The following AMOTL1 variants were observed in gnomAD, a reference collection of about 807,000 sequenced individuals.
AMOTL1 encodes angiomotin like 1.
A neutral mutation model predicts 102.9 loss-of-function variants in AMOTL1; 45 were observed. That is an observed-to-expected ratio of 0.44 (90% CI 0.34 to 0.56). The LOEUF (loss-of-function observed/expected upper bound fraction) is 0.56, where lower values mean the gene tolerates loss of function less well. Among genes scored for constraint, AMOTL1 ranks in the 20% least tolerant of loss-of-function variants. AMOTL1 has a pLI of 0.01. For synonymous variants in AMOTL1, 481 were observed against 484.7 expected (o/e 0.99, Z 0.10); for missense variants, 1,114 against 1,225.6 (o/e 0.91, Z 1.36).
chr11:94,849,713 GAATATT>G (rs2135708219), intron 6 of AMOTL1, among the ~76,000 whole-genome samples: 1 of 152,118 alleles, frequency 6.6e-6, no homozygotes, highest in African/African-American at 2.4e-5. Context: ...CTATGAATGA[GAATATT>G]AATATTATTA....
intron 3 of AMOTL1, among the ~76,000 whole-genome samples, chr11:94,755,315 G>A (rs1950708588): frequency 1.3e-5 from 2 of 152,174 alleles, no homozygotes; most frequent in Admixed American, 1.3e-4. Flanking sequence ...TTTAGCAGAA[G>A]CTCATGTCTG....
intron 4 of AMOTL1, among the ~76,000 whole-genome samples, chr11:94,826,770 G>A (rs1951972986): frequency 1.3e-5 from 2 of 152,168 alleles, no homozygotes; most frequent in Admixed American, 1.3e-4. Flanking sequence ...TTCAACATGA[G>A]TTTTGGTGGG....
chr11:94,754,799 A>G (rs1210075221), intron 3 of AMOTL1, among the ~76,000 whole-genome samples: 2 of 151,632 alleles, frequency 1.3e-5, no homozygotes, highest in Non-Finnish European at 2.9e-5. Context: ...TTTGAATTTC[A>G]GATAAACAGT....
intron 6 of AMOTL1, 98 bp from the exon 7 acceptor site, chr11:94,850,016 C>A: frequency 1.5e-6 from 2 of 1,361,006 alleles, no homozygotes; most frequent in Non-Finnish European, 2.0e-6. Flanking sequence ...TATTTGCATG[C>A]TTTTTTATTT....
chr11:94,782,447 G>C (rs1027013599), intron 1 of AMOTL1, among the ~76,000 whole-genome samples: 16 of 152,218 alleles, frequency 1.1e-4, no homozygotes, highest in African/African-American at 3.9e-4. Flanking sequence ...TACTTGAAAT[G>C]TTTCAATGTA....
chr11:94,757,069 C>T (rs1363847206), intron 3 of AMOTL1, among the ~76,000 whole-genome samples: 1 of 151,238 alleles, frequency 6.6e-6, no homozygotes, highest in Non-Finnish European at 1.5e-5. Flanking sequence ...GGATGGGGAG[C>T]TCAAATCAAG....
intron 1 of AMOTL1, among the ~76,000 whole-genome samples, chr11:94,784,309 G>T (rs1951152055): frequency 6.6e-6 from 1 of 152,108 alleles, no homozygotes; most frequent in Admixed American, 6.5e-5. Flanking sequence ...GATTTATCAA[G>T]CATTTATGTA....
intron 1 of AMOTL1, among the ~76,000 whole-genome samples, chr11:94,719,993 T>C (rs1330236384): frequency 6.6e-6 from 1 of 152,060 alleles, no homozygotes; most frequent in Non-Finnish European, 1.5e-5. Flanking sequence ...CCCAGACAGT[T>C]TGAATGTGCA....
At chr11:94,812,051 T>C (rs1487732531) in intron 3 of AMOTL1, among the ~76,000 whole-genome samples, 1 of 152,182 alleles carries the variant, frequency 6.6e-6, no homozygotes, top group Non-Finnish European at 1.5e-5. Flanking sequence ...TCGATCACAT[T>C]TGGGGAAATC....
chr11:94,840,305 G>A (rs1450512614), intron 6 of AMOTL1, among the ~76,000 whole-genome samples: 1 of 152,100 alleles, frequency 6.6e-6, no homozygotes, highest in Non-Finnish European at 1.5e-5. Context: ...AACTTTTGAG[G>A]GGACAAAGTG....
chr11:94,775,122 A>G (rs1951007119), intron 1 of AMOTL1, among the ~76,000 whole-genome samples: 1 of 152,258 alleles, frequency 6.6e-6, no homozygotes, highest in Non-Finnish European at 1.5e-5. Flanking sequence ...AAAGAGCTTC[A>G]TAAGAAGTGA....
chr11:94,741,371 T>C (rs1950524774), intron 3 of AMOTL1, among the ~76,000 whole-genome samples: 1 of 152,176 alleles, frequency 6.6e-6, no homozygotes, highest in African/African-American at 2.4e-5. Context: ...CAGCGGCGAC[T>C]GGTTCTGACT....
chr11:94,840,114 G>GAA (rs1210679422), intron 6 of AMOTL1, among the ~76,000 whole-genome samples: 3 of 152,138 alleles, frequency 2.0e-5, no homozygotes, highest in Non-Finnish European at 4.4e-5. Flanking sequence ...AAGAAAGAAA[G>GAA]AGAAAGCTTT....
At chr11:94,827,697 C>T (rs182925808) in intron 4 of AMOTL1, among the ~76,000 whole-genome samples, 37 of 152,208 alleles carry the variant, frequency 2.4e-4, no homozygotes, top group Admixed American at 1.4e-3. Flanking sequence ...AAGGTGGTAC[C>T]GAAGGGAACC....
rs1950981265 is a variant in AMOTL1, at chr11:94,773,387, CT to C, written c.49+4829del. ...TAAGTTATAGTTCACTTTTGTCTGT[CT>C]TAAGAGTTTGTATGTCTTGCTGCTG... On this transcript the variant is annotated intron_variant, in intron 1 of 12. Transcript: ENST00000433060. 2.6e-5 allele frequency among the ~76,000 whole-genome samples: 4 copies of C among 152,240 alleles called. No homozygotes were observed. In the South Asian group the frequency reaches 8.3e-4, roughly 32 times the overall value.
At chr11:94,870,413 A>G (rs924209568) in intron 12 of AMOTL1, among the ~76,000 whole-genome samples, 1 of 152,194 alleles carries the variant, frequency 6.6e-6, no homozygotes, top group African/African-American at 2.4e-5. Context: ...TGCACCTGAT[A>G]GTTTTGAGTA....
chr11:94,846,143 C>T (rs1412146288), intron 6 of AMOTL1, among the ~76,000 whole-genome samples: 1 of 152,194 alleles, frequency 6.6e-6, no homozygotes, highest in Non-Finnish European at 1.5e-5. Context: ...ACCTTGTAGG[C>T]TCACTGCCTT....
chr11:94,802,239 C>T (rs1951492301), intron 3 of AMOTL1, among the ~76,000 whole-genome samples: 1 of 152,206 alleles, frequency 6.6e-6, no homozygotes, highest in Non-Finnish European at 1.5e-5. Flanking sequence ...TTGATCAAAT[C>T]CCTGGTATTT....
chr11:94,743,559 G>T (rs1950553588), intron 3 of AMOTL1, among the ~76,000 whole-genome samples: 1 of 151,774 alleles, frequency 6.6e-6, no homozygotes, highest in Non-Finnish European at 1.5e-5. Flanking sequence ...ATTCTTTCGG[G>T]AGCACAGATG....
Sources: allele counts gnomAD v4.1 joint callset (sites outside exome capture counted in the v4.1 genomes callset), GRCh38; gene constraint gnomAD v4.1.1; transcripts MANE v1.5; gene names NCBI Gene and HGNC (gene_info 2026-07-23, HGNC 2026-07-21).